The following SDK2 variants were observed in gnomAD, a reference collection of about 807,000 sequenced individuals.
The protein encoded by SDK2 is protein sidekick-2.
A neutral mutation model predicts 253.9 loss-of-function variants in SDK2; 105 were observed. The observed-to-expected ratio is 0.41, with a 90% CI of 0.35 to 0.49. The LOEUF (loss-of-function observed/expected upper bound fraction) is 0.49, where lower values mean the gene tolerates loss of function less well. SDK2 is among the 20% of genes least tolerant of loss of function. SDK2 has a pLI of 0.06. For synonymous variants in SDK2, 1,249 were observed against 1,234.9 expected (o/e 1.01, Z -0.24); for missense variants, 2,608 against 3,003.0 (o/e 0.87, Z 3.07).
chr17:73,364,125 A>G (rs916275305), intron 38 of SDK2, among the ~76,000 whole-genome samples: 2 of 152,146 alleles, frequency 1.3e-5, no homozygotes, highest in Non-Finnish European at 2.9e-5. Context: ...GGCTGGGACT[A>G]GTCCCAGGCA....
chr17:73,353,377 A>G (rs560394632), intron 40 of SDK2, among the ~76,000 whole-genome samples: 1 of 152,278 alleles, frequency 6.6e-6, no homozygotes, highest in African/African-American at 2.4e-5. Flanking sequence ...CTAATTCAAA[A>G]CATACACAAT....
intron 10 of SDK2, among the ~76,000 whole-genome samples, chr17:73,432,060 G>A (rs1417190168): frequency 1.3e-5 from 2 of 152,114 alleles, no homozygotes; most frequent in Non-Finnish European, 2.9e-5. Flanking sequence ...CTGACAAGGT[G>A]ATGACGGGCA....
intron 1 of SDK2, among the ~76,000 whole-genome samples, chr17:73,552,959 C>T (rs2045085216): frequency 6.6e-6 from 1 of 152,244 alleles, no homozygotes; most frequent in African/African-American, 2.4e-5. Flanking sequence ...GAGGCTCAGA[C>T]CCGTTTGGGT....
chr17:73,466,511 C>A (rs889279159), intron 3 of SDK2, among the ~76,000 whole-genome samples: 16 of 152,118 alleles, frequency 1.1e-4, no homozygotes, highest in African/African-American at 3.4e-4. Context: ...CCCTGCCAGG[C>A]AGAAGAAGGT....
In SDK2 at chr17:73,435,386, T is replaced by C. The variant is rs909938548; in HGVS notation, c.1195+64A>G. ...TGCACAAGAGGCCCCTCGGAAGACC[T>C]TGGAAGAAAGCTGCGTCCTGGGAAG... On this transcript the variant is annotated intron_variant, in intron 9 of 44. Transcript: ENST00000392650. This position sits in a 1 kb window ranked among gnomAD's most constrained non-coding sequence, Gnocchi z 5.7. 5 of 1,471,494 alleles carry C rather than the reference T, an allele frequency of 3.4e-6. No individual in the cohort carries two copies. Among genetic ancestry groups the C allele is most frequent in the Middle Eastern group, 1.8e-4 (1 of 5,638 alleles). 91.2% of individuals were successfully genotyped at this position (1,471,494 alleles called of 1,614,324 possible). A position where few individuals can be genotyped will look rare whatever the true frequency, so the allele number is the denominator to read the frequency against.
At chr17:73,520,957 G>A (rs2064073730) in intron 1 of SDK2, 1 of 152,086 alleles carries the variant, frequency 6.6e-6, no homozygotes, top group African/African-American at 2.4e-5. Context: ...CTGGGGTGAT[G>A]AAAGTATTCT....
At chr17:73,614,203 C>G (rs1347734518) in intron 1 of SDK2, among the ~76,000 whole-genome samples, 1 of 152,010 alleles carries the variant, frequency 6.6e-6, no homozygotes, top group Non-Finnish European at 1.5e-5. Flanking sequence ...TTTGCCCTGG[C>G]TGCTCACTCA....
chr17:73,501,835 C>G (rs1327084378), intron 2 of SDK2, among the ~76,000 whole-genome samples: 1 of 152,162 alleles, frequency 6.6e-6, no homozygotes, highest in African/African-American at 2.4e-5. Flanking sequence ...CCCAGGTATT[C>G]CTTACAATAA....
chr17:73,627,832 G>A (rs867288874), intron 1 of SDK2, among the ~76,000 whole-genome samples: 1 of 152,140 alleles, frequency 6.6e-6, no homozygotes, highest in Non-Finnish European at 1.5e-5. Context: ...GGCGGATCAC[G>A]AGATCAGGAG....
At position 73,643,957 on chromosome 17, in the gene SDK2, T is replaced by TGCCCC; in HGVS notation, c.64+67_64+68insGGGGC. 2 of 1,019,992 alleles carry TGCCCC rather than the reference T, an allele frequency of 2.0e-6. No individual in the cohort carries two copies. The highest frequency in any genetic ancestry group is 1.5e-6 in the Non-Finnish European group (1 of 674,876). The allele number at this position is 1,019,992 out of a possible 1,614,324, so 63.2% of individuals were successfully genotyped here. ...GGAGGTCACCGTGAGGCCGGCCAGCTCCCGCCGCCCCTCCCCCGCCCACTC... is the reference window on the plus strand; with the variant it reads ...GGAGGTCACCGTGAGGCCGGCCAGCTGCCCCCCCGCCGCCCCTCCCCCGCCCACTC... On this transcript the variant is annotated intron_variant, in intron 1 of 44. Coordinates refer to ENST00000392650, the MANE Select transcript of SDK2 (RefSeq NM_001144952.2). The surrounding 1 kb of genome is among the most constrained non-coding windows in gnomAD (Gnocchi z 6.9).
intron 1 of SDK2, among the ~76,000 whole-genome samples, chr17:73,521,874 G>A (rs2040020434): frequency 1.3e-5 from 2 of 152,144 alleles, no homozygotes; most frequent in African/African-American, 4.8e-5. Flanking sequence ...AGAAAAACCC[G>A]GGGACACTTT....
At chr17:73,406,137 CTG>C (rs760272951) in intron 18 of SDK2, among the ~76,000 whole-genome samples, 18 of 151,982 alleles carry the variant, frequency 1.2e-4, no homozygotes, top group African/African-American at 2.4e-4. Flanking sequence ...ACAAAAAACT[CTG>C]TGCATGTTTA....
intron 1 of SDK2, among the ~76,000 whole-genome samples, chr17:73,508,206 C>T (rs1305280451): frequency 2.0e-5 from 3 of 152,250 alleles, no homozygotes; most frequent in Admixed American, 2.0e-4. Flanking sequence ...GCCTGGTTGC[C>T]CAGATGATGG....
chr17:73,373,335 A>G (rs2062752186), intron 36 of SDK2, among the ~76,000 whole-genome samples: 1 of 152,232 alleles, frequency 6.6e-6, no homozygotes, highest in South Asian at 2.1e-4. Flanking sequence ...GGGCCTGCAG[A>G]TAGCTCTTCA....
At chr17:73,372,301 G>T (rs1397298310) in intron 36 of SDK2, among the ~76,000 whole-genome samples, 1 of 152,236 alleles carries the variant, frequency 6.6e-6, no homozygotes. Context: ...CTGCTGAGCT[G>T]CATGGGGCAC....
intron 1 of SDK2, among the ~76,000 whole-genome samples, chr17:73,591,893 C>T (rs992456263): frequency 1.3e-5 from 2 of 152,114 alleles, no homozygotes; most frequent in Admixed American, 6.5e-5. Flanking sequence ...AGCACTAAAA[C>T]GGTAAGAGTG....
In SDK2 at chr17:73,390,221, C is replaced by T. The variant is rs2062915397; in HGVS notation, c.4192+66G>A. On this transcript the variant is annotated intron_variant, in intron 29 of 44. Transcript: ENST00000392650. ...CATACCAGCCATCCACTAGGAACAG[C>T]TCAGAGCACTGGCTGGCCCCCCCTC... 5 of 1,376,458 alleles carry T rather than the reference C, an allele frequency of 3.6e-6. 1 individual carries two copies. The South Asian group carries it at 7.0e-5, about 19-fold the overall frequency. 85.3% of individuals were successfully genotyped at this position (1,376,458 alleles called of 1,614,324 possible). A position where few individuals can be genotyped will look rare whatever the true frequency, so the allele number is the denominator to read the frequency against.
In SDK2 at chr17:73,467,187, C is replaced by T. The variant is rs141525364; in HGVS notation, c.331+4925G>A. Among the ~76,000 whole-genome samples, 1,326 of 152,106 alleles carry T rather than the reference C, an allele frequency of 8.7e-3. 16 individuals are homozygous for T. Among genetic ancestry groups the T allele is most frequent in the African/African-American group, 0.03 (1,250 of 41,472 alleles). On this transcript the variant is annotated intron_variant, in intron 3 of 44. Transcript: ENST00000392650. This position sits in a 1 kb window ranked among gnomAD's most constrained non-coding sequence, Gnocchi z 4.1. ...CTGTTTGGACATGGATTATTACAGC[C>T]CAGGGCTGTCCCTGATTCTGTCTGA...
chr17:73,517,810 T>G (rs1240312653), intron 1 of SDK2: 1 of 152,296 alleles, frequency 6.6e-6, no homozygotes, highest in African/African-American at 2.4e-5. Context: ...CCCAGACACA[T>G]CACGTGCGCC....
Sources: gnomAD v4.1 joint callset for allele counts (sites outside exome capture counted in the v4.1 genomes callset) on GRCh38, gnomAD v4.1.1 for gene constraint, Gnocchi (gnomAD v3.1) non-coding constraint, MANE v1.5 for transcripts, NCBI Gene and HGNC (gene_info 2026-07-23, HGNC 2026-07-21) for gene names.